Variants in PYGO2 observed in about 807,000 individuals in gnomAD.
PYGO2 encodes the protein pygopus homolog 2.
PYGO2 carries 9 observed loss-of-function variants against 26.7 expected under a neutral mutation model. The ratio of observed to expected loss-of-function variants is 0.34; its 90% CI spans 0.20 to 0.59. The LOEUF (loss-of-function observed/expected upper bound fraction) is 0.59, where lower values mean the gene tolerates loss of function less well. Ranked by LOEUF, PYGO2 falls within the 20% of genes least tolerant of loss-of-function variation. The pLI, the probability that PYGO2 is intolerant of heterozygous loss-of-function variation, is 0.84. For synonymous variants in PYGO2, 236 were observed against 219.0 expected (o/e 1.08, Z -0.68); for missense variants, 538 against 561.5 (o/e 0.96, Z 0.42).
rs771901499 is a variant in PYGO2, at chr1:154,959,485, C to G, written c.515G>C (p.Gly172Ala). The G allele has an allele frequency of 2.0e-6, 3 of 1,489,854 alleles. No homozygotes were observed. The South Asian group carries it at 4.2e-5, about 21-fold the overall frequency. The allele number at this position is 1,489,854 out of a possible 1,614,324, so 92.3% of individuals were successfully genotyped here. A position where few individuals can be genotyped will look rare whatever the true frequency, so the allele number is the denominator to read the frequency against. Residue 172 changes from glycine to alanine, a missense_variant, in exon 3 of 3, where the codon GGT becomes GCT. Coordinates refer to ENST00000368457, the MANE Select transcript of PYGO2 (RefSeq NM_138300.4). This position sits in a 1 kb window ranked among gnomAD's most constrained non-coding sequence, Gnocchi z 4.7. ...CCCACTGGGAGGACTAAAGTTTTGA[C>G]CCAGAGGCTGGTTGAAGGGTTGGCT... is the stretch of plus-strand genomic sequence containing the variant. ...FPSQPFNQPL[G>A]QNFSPPSGQM... is the part of the protein sequence containing the mutation.
In PYGO2 at chr1:154,958,859, G is replaced by T; in HGVS notation, c.1141C>A (p.Leu381Ile). The part of the protein sequence containing the change: ...TEASAVWACD[L>I]CLKTKEIQSV... ...TGGATCTCCTTGGTCTTGAGGCAGAGATCGCAGGCCCAGACGGCAGAAGCT... is the reference window on the plus strand; with the variant it reads ...TGGATCTCCTTGGTCTTGAGGCAGATATCGCAGGCCCAGACGGCAGAAGCT... The change falls in exon 3 of 3, where the codon CTC becomes ATC. Residue 381 changes from leucine (L) to isoleucine (I), a missense_variant. Transcript: ENST00000368457. 1.2e-6 allele frequency: 2 copies of T among 1,614,030 alleles called. No homozygotes were observed. The highest frequency in any genetic ancestry group is 1.7e-5 in the Admixed American group (1 of 60,032).
chr1:154,959,219 T>C lies in PYGO2; in HGVS notation c.781A>G (p.Lys261Glu), dbSNP rs61758741. 3.9e-4 allele frequency: 613 copies of C among 1,566,462 alleles called. 1 individual carries two copies. Among genetic ancestry groups the C allele is most frequent in the Non-Finnish European group, 5.0e-4 (578 of 1,157,338 alleles). ...GTAGAAGCAGGTGGATTCAAGGGCTTCCCCCCATCCTCACCACCAGGGCCA... is the reference window on the plus strand; with the variant it reads ...GTAGAAGCAGGTGGATTCAAGGGCTCCCCCCCATCCTCACCACCAGGGCCA... Reference protein sequence around the residue: ...FPGPGGEDGGKPLNPPASTAF... With the variant: ...FPGPGGEDGGEPLNPPASTAF... Residue 261 changes from lysine to glutamate, a missense_variant, in exon 3 of 3, where the codon AAG (lysine) becomes GAG (glutamate). Lys to Glu is a moderately conservative substitution (Grantham distance 56, BLOSUM62 1). This residue lies in a region of PYGO2 where 381 missense variants were observed against 336.6 expected (regional missense o/e 1.13). Transcript: ENST00000368457. This position sits in a 1 kb window ranked among gnomAD's most constrained non-coding sequence, Gnocchi z 4.7.
Position 154,957,781 on chromosome 1 carries a change from T to C in PYGO2, c.*998A>G, listed in dbSNP as rs1407806590. The C allele has an allele frequency of 6.6e-6, 1 of 152,666 alleles. No individual in the cohort carries two copies. Among genetic ancestry groups the C allele is most frequent in the Non-Finnish European group, 1.5e-5 (1 of 68,046 alleles). 9.5% of individuals were successfully genotyped at this position (152,666 alleles called of 1,614,324 possible). On this transcript the variant is annotated 3_prime_UTR_variant, in exon 3 of 3. Coordinates refer to ENST00000368457, the MANE Select transcript of PYGO2 (RefSeq NM_138300.4). ...CGCCGCATCCCCTACCCACAGGCTG[T>C]GACAGGGCCTCACTTGGATCCTTTT...
Position 154,961,141 on chromosome 1 carries a change from T to C in PYGO2, c.104-115A>G, listed in dbSNP as rs1655346955. Reference sequence around the variant, plus strand: ...TAACGTCAATACATACTTGCTTATTTATTCAACAAATGCTAACAAGGGGTG... The same window carrying C: ...TAACGTCAATACATACTTGCTTATTCATTCAACAAATGCTAACAAGGGGTG... On this transcript the variant is annotated intron_variant, in intron 1 of 2. Transcript: ENST00000368457. 1.1e-5 allele frequency: 10 copies of C among 930,630 alleles called. No homozygotes were observed. In the South Asian group the frequency reaches 1.6e-4, roughly 15 times the overall value. The allele number at this position is 930,630 out of a possible 1,614,324, so 57.6% of individuals were successfully genotyped here.
chr1:154,961,352 CT>C, intron 1 of PYGO2, 121 bp downstream of exon 1: 2 of 683,056 alleles, frequency 2.9e-6, no homozygotes, highest in Non-Finnish European at 4.7e-6. Context: ...CCCACCCATC[CT>C]TTTCACCTGA....
chr1:154,961,424 G>A (rs901991848), intron 1 of PYGO2, 50 bp downstream of exon 1: 2 of 1,241,658 alleles, frequency 1.6e-6, no homozygotes, highest in Non-Finnish European at 2.2e-6. Flanking sequence ...CCCCTCTGAG[G>A]TTCCCAAGTC....
rs878960998 is a variant in PYGO2, at chr1:154,958,072, G to C, written c.*707C>G. Reference sequence around the variant, plus strand: ...GAAAAGCACGAGAGAGGCTGAGAAAGGACCAGTGACTTTGGTATGAAGAAG... The same window carrying C: ...GAAAAGCACGAGAGAGGCTGAGAAACGACCAGTGACTTTGGTATGAAGAAG... On this transcript the variant is annotated 3_prime_UTR_variant, in exon 3 of 3. Coordinates refer to ENST00000368457, the MANE Select transcript of PYGO2 (RefSeq NM_138300.4). 4 of 152,836 alleles carry C rather than the reference G, an allele frequency of 2.6e-5. No individual in the cohort carries two copies. The highest frequency in any genetic ancestry group is 2.1e-4 in the South Asian group (1 of 4,824). The allele number at this position is 152,836 out of a possible 1,614,324, so 9.5% of individuals were successfully genotyped here.
chr1:154,961,013 C>T lies in PYGO2; in HGVS notation c.117G>A (p.Lys39=), dbSNP rs1655342069. The change falls in exon 2 of 3, where the codon AAG becomes AAA. Residue 39 remains lysine, a synonymous_variant. Coordinates refer to ENST00000368457, the MANE Select transcript of PYGO2 (RefSeq NM_138300.4). ...ACTTCCTTCGCTTCTTTTCTGGACT[C>T]TTCATTTGCAGACCTGGAAGAGCGG... is the stretch of plus-strand genomic sequence containing the variant. ...RKQGKAGLQM[K]SPEKKRRKSN... The T allele has an allele frequency of 6.2e-7, 1 of 1,612,278 alleles. No individual in the cohort carries two copies. Among genetic ancestry groups the T allele is most frequent in the African/African-American group, 1.3e-5 (1 of 74,820 alleles).
At position 154,959,891 on chromosome 1, in the gene PYGO2, CAG is replaced by C; in HGVS notation, c.154-47_154-46del. On this transcript the variant is annotated intron_variant, in intron 2 of 2. Coordinates refer to ENST00000368457, the MANE Select transcript of PYGO2 (RefSeq NM_138300.4). The surrounding 1 kb of genome is among the most constrained non-coding windows in gnomAD (Gnocchi z 4.7). ...GGAAAGAGGGTCATGGAGGGAAACA[CAG>C]AGCTAAACCAAGAGAGCACTACCAA... 1 of 1,147,524 alleles carries C rather than the reference CAG, an allele frequency of 8.7e-7. No individual in the cohort carries two copies. Among genetic ancestry groups the C allele is most frequent in the African/African-American group, 1.6e-5 (1 of 63,036 alleles). 71.1% of individuals were successfully genotyped at this position (1,147,524 alleles called of 1,614,324 possible). A position where few individuals can be genotyped will look rare whatever the true frequency, so the allele number is the denominator to read the frequency against.
rs1457606816 is a variant in PYGO2 at position 154,959,066 on chromosome 1, C to G, written c.934G>C (p.Gly312Arg). 29 of 1,613,062 alleles carry G rather than the reference C, an allele frequency of 1.8e-5. No homozygotes were observed. Among genetic ancestry groups the G allele is most frequent in the Non-Finnish European group, 2.4e-5 (28 of 1,179,800 alleles). The change falls in exon 3 of 3, where the codon GGC becomes CGC. Residue 312 changes from glycine (G) to arginine (R), a missense_variant. By Grantham distance (125) the Gly-to-Arg change is moderately radical. Transcript: ENST00000368457. The surrounding 1 kb of genome is among the most constrained non-coding windows in gnomAD (Gnocchi z 4.7). ...GGCCCGGAGCCCCCACCTGCCTTGC[C>G]AGGGGGTGCCAAGCTGTTGGCATCT... ...TPDANSLAPP[G>R]KAGGGSGPQP...
rs1264827781 is a variant in PYGO2 at position 154,961,538 on chromosome 1, C to T, written c.39G>A (p.Glu13=). The part of the protein sequence containing the change: ...ASAPPPPDKL[E]GGGGPAPPPA... ...GGGGCGGTGCGGGGCCGCCACCTCCCTCCAGCTTGTCCGGTGGGGGCGGCG... is the reference window on the plus strand; with the variant it reads ...GGGGCGGTGCGGGGCCGCCACCTCCTTCCAGCTTGTCCGGTGGGGGCGGCG... Residue 13 remains glutamate, a synonymous_variant, in exon 1 of 3, where the codon GAG becomes GAA. Transcript: ENST00000368457. The T allele has an allele frequency of 6.4e-6, 9 of 1,403,494 alleles. No individual in the cohort carries two copies. Among genetic ancestry groups the T allele is most frequent in the Non-Finnish European group, 8.3e-6 (9 of 1,087,500 alleles). 86.9% of individuals were successfully genotyped at this position (1,403,494 alleles called of 1,614,324 possible). A position where few individuals can be genotyped will look rare whatever the true frequency, so the allele number is the denominator to read the frequency against.
Position 154,958,715 on chromosome 1 carries a change from CA to C in PYGO2, c.*63del. On this transcript the variant is annotated 3_prime_UTR_variant, in exon 3 of 3. Coordinates refer to ENST00000368457, the MANE Select transcript of PYGO2 (RefSeq NM_138300.4). ...GAAACAAGGACCAAGAGCCAAACATCAAAAAAATCACCCTGGAAGAGCAGGG... is the reference window on the plus strand; with the variant it reads ...GAAACAAGGACCAAGAGCCAAACATCAAAAAATCACCCTGGAAGAGCAGGG... The C allele has an allele frequency of 9.9e-6, 14 of 1,410,246 alleles. No homozygotes were observed. Among genetic ancestry groups the C allele is most frequent in the East Asian group, 2.3e-5 (1 of 43,052 alleles). The allele number at this position is 1,410,246 out of a possible 1,614,324, so 87.4% of individuals were successfully genotyped here.
chr1:154,958,559 G>A lies in PYGO2; in HGVS notation c.*220C>T, dbSNP rs1295619103. 1 of 557,068 alleles carries A rather than the reference G, an allele frequency of 1.8e-6. No individual in the cohort carries two copies. The highest frequency in any genetic ancestry group is 1.9e-5 in the African/African-American group (1 of 53,094). 34.5% of individuals were successfully genotyped at this position (557,068 alleles called of 1,614,324 possible). On this transcript the variant is annotated 3_prime_UTR_variant, in exon 3 of 3. Coordinates refer to ENST00000368457, the MANE Select transcript of PYGO2 (RefSeq NM_138300.4). Reference sequence around the variant, plus strand: ...TGCTCAGCAGGGCTTTGGTTTCCTGGATCTCTGTAGATCTCAACATGTAAG... The same window carrying A: ...TGCTCAGCAGGGCTTTGGTTTCCTGAATCTCTGTAGATCTCAACATGTAAG...
rs1571405880 is a variant in PYGO2, at chr1:154,957,244, C to A, written c.*1535G>T. ...AATGGGGCAAACAGAACAACAAACA[C>A]AAGAGTTGAGCAGCGGGGTGGGGGT... On this transcript the variant is annotated 3_prime_UTR_variant, in exon 3 of 3. Coordinates refer to ENST00000368457, the MANE Select transcript of PYGO2 (RefSeq NM_138300.4). 1 of 152,294 alleles carries A rather than the reference C, an allele frequency of 6.6e-6. No homozygotes were observed. The allele number at this position is 152,294 out of a possible 1,614,324, so 9.4% of individuals were successfully genotyped here.
rs945965134 is a variant in PYGO2 at position 154,957,081 on chromosome 1, C to T, written c.*1698G>A. 6.6e-6 allele frequency: 1 copy of T among 152,338 alleles called. No individual in the cohort carries two copies. The highest frequency in any genetic ancestry group is 2.4e-5 in the African/African-American group (1 of 41,426). 9.4% of individuals were successfully genotyped at this position (152,338 alleles called of 1,614,324 possible). On this transcript the variant is annotated 3_prime_UTR_variant, in exon 3 of 3. Coordinates refer to ENST00000368457, the MANE Select transcript of PYGO2 (RefSeq NM_138300.4). ...CAGTACAAAAGACCCCCACCACCAC[C>T]GCATTCTGCCATCACTTTGTTCCAA... is the stretch of plus-strand genomic sequence containing the variant.
chr1:154,961,185 G>C (rs1251828121), intron 1 of PYGO2, among the ~76,000 whole-genome samples, 159 bp from the exon 2 acceptor site: 1 of 152,194 alleles, frequency 6.6e-6, no homozygotes, highest in African/African-American at 2.4e-5. Flanking sequence ...AAAATAGATT[G>C]TGAAGATGAT....
rs1655273624 is a variant in PYGO2 at position 154,959,499 on chromosome 1, G to T, written c.501C>A (p.Phe167Leu). Residue 167 changes from phenylalanine to leucine, a missense_variant, in exon 3 of 3, where the codon TTC becomes TTA. Phe to Leu is a conservative substitution (Grantham distance 22). Around this residue, in one of 4 missense-constraint regions of PYGO2, gnomAD observed 381 missense variants for 336.6 expected, o/e 1.13. Coordinates refer to ENST00000368457, the MANE Select transcript of PYGO2 (RefSeq NM_138300.4). This position sits in a 1 kb window ranked among gnomAD's most constrained non-coding sequence, Gnocchi z 4.7. ...PGNMNFPSQP[F>L]NQPLGQNFSP... ...TAAAGTTTTGACCCAGAGGCTGGTT[G>T]AAGGGTTGGCTGGGAAAGTTCATGT... is the stretch of plus-strand genomic sequence containing the variant. The T allele has an allele frequency of 6.7e-7, 1 of 1,485,050 alleles. No individual in the cohort carries two copies. Among genetic ancestry groups the T allele is most frequent in the Admixed American group, 2.5e-5 (1 of 40,696 alleles). 92.0% of individuals were successfully genotyped at this position (1,485,050 alleles called of 1,614,324 possible).
At position 154,958,800 on chromosome 1, in the gene PYGO2, C is replaced by G; in HGVS notation, c.1200G>C (p.Leu400=). 1 of 1,612,838 alleles carries G rather than the reference C, an allele frequency of 6.2e-7. No homozygotes were observed. Among genetic ancestry groups the G allele is most frequent in the Non-Finnish European group, 8.5e-7 (1 of 1,179,088 alleles). Residue 400 remains leucine, a synonymous_variant, in exon 3 of 3, where the codon CTG becomes CTC. Coordinates refer to ENST00000368457, the MANE Select transcript of PYGO2 (RefSeq NM_138300.4). ...SVYIREGMGQ[L]VAANDG is the part of the protein sequence containing the mutation. The stretch of plus-strand genomic sequence containing the variant: ...AGCGTCACCCATCGTTAGCAGCCAC[C>G]AGCTGCCCCATGCCCTCACGGATGT...
Position 154,959,793 on chromosome 1 carries a change from C to T in PYGO2, c.207G>A (p.Val69=), listed in dbSNP as rs776005130. 7 of 1,379,046 alleles carry T rather than the reference C, an allele frequency of 5.1e-6. No homozygotes were observed. The Admixed American group carries it at 2.0e-4, about 39-fold the overall frequency. The allele number at this position is 1,379,046 out of a possible 1,614,324, so 85.4% of individuals were successfully genotyped here. ...AAGGGTTGGATGCAACCAGGTGATC[C>T]ACCATGGGAGTTGGGGGTGGTGCAA... is the stretch of plus-strand genomic sequence containing the variant. ...TEFAPPPTPM[V]DHLVASNPFE... The change falls in exon 3 of 3, where the codon GTG becomes GTA. Residue 69 remains valine (V), a synonymous_variant. Coordinates refer to ENST00000368457, the MANE Select transcript of PYGO2 (RefSeq NM_138300.4). The surrounding 1 kb of genome is among the most constrained non-coding windows in gnomAD (Gnocchi z 4.7).
Sources: allele counts gnomAD v4.1 joint callset (sites outside exome capture counted in the v4.1 genomes callset), GRCh38; gene constraint gnomAD v4.1.1; regional missense constraint gnomAD v4.1.1; non-coding constraint Gnocchi (gnomAD v3.1); transcripts MANE v1.5; gene names NCBI Gene and HGNC (gene_info 2026-07-23, HGNC 2026-07-21).